Variants in BCO1 observed in about 807,000 individuals in gnomAD.
BCO1 encodes beta-carotene oxygenase 1.
In BCO1, 54 loss-of-function variants were observed where a neutral mutation model predicts 56.3. The observed-to-expected ratio is 0.96, with a 90% CI of 0.77 to 1.20. The LOEUF is 1.20. Ranked by LOEUF, BCO1 falls within the 50% of genes most tolerant of loss-of-function variation. The pLI is 0.00. For missense variants in BCO1, 801 were observed against 690.9 expected (o/e 1.16, Z -1.79); for synonymous variants, 318 against 266.1 (o/e 1.20, Z -1.90).
chr16:81,251,984 C>A (rs930177677), intron 2 of BCO1, among the ~76,000 whole-genome samples: 12 of 151,822 alleles, frequency 7.9e-5, no homozygotes, highest in African/African-American at 2.9e-4. Flanking sequence ...TGGCGTATGT[C>A]CCTTCAGAAG....
At chr16:81,270,496 T>A in intron 7 of BCO1, 80 bp downstream of exon 7, 1 of 1,581,738 alleles carries the variant, frequency 6.3e-7, no homozygotes, top group Non-Finnish European at 8.6e-7. Flanking sequence ...CCTTATTTGA[T>A]TGACATTGAA....
intron 2 of BCO1, among the ~76,000 whole-genome samples, chr16:81,247,557 G>C (rs112301696): frequency 1.3e-5 from 2 of 150,730 alleles, no homozygotes; most frequent in Non-Finnish European, 3.0e-5. Flanking sequence ...ACAGAGTTTC[G>C]CTCTTGTTGC....
intron 2 of BCO1, among the ~76,000 whole-genome samples, chr16:81,253,036 G>T (rs939818455): frequency 2.6e-5 from 4 of 152,102 alleles, no homozygotes; most frequent in African/African-American, 9.7e-5. Context: ...TTGAACCCAG[G>T]AGGTGGAAGT....
At chr16:81,287,026 G>C (rs1908221062) in intron 9 of BCO1, among the ~76,000 whole-genome samples, 1 of 151,950 alleles carries the variant, frequency 6.6e-6, no homozygotes, top group Non-Finnish European at 1.5e-5. Flanking sequence ...AGTGAGCCAA[G>C]ATCACGCCAT....
rs544724677 is a variant in BCO1 at position 81,241,081 on chromosome 16, G to T, written c.64+2109G>T. On this transcript the variant is annotated intron_variant, in intron 1 of 10. Transcript: ENST00000258168. ...ACTCCCAACCTCAGTTGATCCGCCC[G>T]TGTTGGCCTCCCAGAGTGCTGGGAT... Among the ~76,000 whole-genome samples the T allele has an allele frequency of 2.6e-4, 40 of 152,212 alleles. 1 individual carries two copies. The highest frequency in any genetic ancestry group is 8.7e-4 in the African/African-American group (36 of 41,542).
In BCO1 at chr16:81,270,153, T is replaced by A; in HGVS notation, c.844-6T>A. 1 of 1,614,118 alleles carries A rather than the reference T, an allele frequency of 6.2e-7. No individual in the cohort carries two copies. On this transcript the variant is annotated splice_region_variant and splice_polypyrimidine_tract_variant and intron_variant, in intron 6 of 10. Transcript: ENST00000258168. ...AGCTGAGCCCTTGATATGTGTCCTT[T>A]TTCAGACTTATATCCACATCATCGA... is the stretch of plus-strand genomic sequence containing the variant.
At chr16:81,252,815 C>T (rs760375411) in intron 2 of BCO1, among the ~76,000 whole-genome samples, 4 of 152,170 alleles carry the variant, frequency 2.6e-5, no homozygotes, top group Admixed American at 2.0e-4. Context: ...CCTTTGTTTA[C>T]GAAGTGCATG....
chr16:81,248,919 G>C (rs1248978908), intron 2 of BCO1, among the ~76,000 whole-genome samples: 1 of 152,090 alleles, frequency 6.6e-6, no homozygotes, highest in African/African-American at 2.4e-5. Flanking sequence ...GGCTGAGATA[G>C]GATAATTGCT....
chr16:81,238,972 G>A lies in BCO1; in HGVS notation c.64G>A (p.Gly22Ser). The part of the protein sequence containing the change: ...QLEPVRAKVT[G>S]KIPAWLQGTL... ...GGAGCCTGTGAGGGCCAAAGTGACA[G>A]GTGAGCATTCTGATAAACACTGGGC... Residue 22 changes from glycine (G) to serine (S), a missense_variant and splice_region_variant, in exon 1 of 11, where the codon GGC becomes AGC. By Grantham distance (56) the Gly-to-Ser change is moderately conservative (BLOSUM62 0). Transcript: ENST00000258168. The A allele has an allele frequency of 2.5e-6, 4 of 1,613,494 alleles. No homozygotes were observed. Among genetic ancestry groups the A allele is most frequent in the Non-Finnish European group, 3.4e-6 (4 of 1,179,544 alleles).
intron 2 of BCO1, among the ~76,000 whole-genome samples, chr16:81,248,608 A>G (rs1338626044): frequency 6.6e-6 from 1 of 152,134 alleles, no homozygotes. Context: ...GGGTGGTTCC[A>G]TATTTTGCTG....
chr16:81,241,127 C>T (rs970740744), intron 1 of BCO1, among the ~76,000 whole-genome samples: 1 of 152,046 alleles, frequency 6.6e-6, no homozygotes, highest in Non-Finnish European at 1.5e-5. Flanking sequence ...AACCACCATG[C>T]CCGGCCTGAA....
At chr16:81,270,484 G>A in intron 7 of BCO1, 68 bp downstream of exon 7, 1 of 1,596,656 alleles carries the variant, frequency 6.3e-7, no homozygotes, top group South Asian at 1.1e-5. Flanking sequence ...AGTTACTTTG[G>A]CCCTTATTTG....
chr16:81,257,151 C>T (rs939739392), intron 2 of BCO1, among the ~76,000 whole-genome samples: 2 of 152,166 alleles, frequency 1.3e-5, no homozygotes, highest in Non-Finnish European at 1.5e-5. Context: ...CTGTTTCATG[C>T]ACCACCTCCT....
chr16:81,245,523 G>C lies in BCO1; in HGVS notation c.113G>C (p.Gly38Ala), dbSNP rs1425595008. The change falls in exon 2 of 11, where the codon GGG (glycine) becomes GCG (alanine). Residue 38 changes from glycine to alanine, a missense_variant. Physicochemically the swap from Gly to Ala is moderately conservative, Grantham distance 60. Coordinates refer to ENST00000258168, the MANE Select transcript of BCO1 (RefSeq NM_017429.3). ...GGAACCCTGCTCCGCAATGGGCCTGGGATGCACACAGTTGGGGAGTCCAGA... is the reference window on the plus strand; with the variant it reads ...GGAACCCTGCTCCGCAATGGGCCTGCGATGCACACAGTTGGGGAGTCCAGA... ...LQGTLLRNGP[G>A]MHTVGESRYN... 1.4e-5 allele frequency: 22 copies of C among 1,613,646 alleles called. No homozygotes were observed. Among genetic ancestry groups the C allele is most frequent in the Non-Finnish European group, 1.9e-5 (22 of 1,179,706 alleles).
intron 5 of BCO1, among the ~76,000 whole-genome samples, chr16:81,267,046 A>G (rs1460652906): frequency 6.6e-6 from 1 of 152,166 alleles, no homozygotes; most frequent in Non-Finnish European, 1.5e-5. Flanking sequence ...ATGCTTGCAG[A>G]GGAATAAGAA....
At position 81,290,499 on chromosome 16, in the gene BCO1, C is replaced by A. The variant is rs1908402530; in HGVS notation, c.1566C>A (p.Asp522Glu). ...DLHGLFITDM[D>E]WDTKKQAASE... is the part of the protein sequence containing the mutation. ...ATGGATTATTCATTACAGACATGGA[C>A]TGGGACACAAAAAAGCAGGCCGCTT... The change falls in exon 11 of 11, where the codon GAC becomes GAA. Residue 522 changes from aspartate to glutamate, a missense_variant. By Grantham distance (45) the Asp-to-Glu change is conservative. Coordinates refer to ENST00000258168, the MANE Select transcript of BCO1 (RefSeq NM_017429.3). The A allele has an allele frequency of 6.2e-7, 1 of 1,614,134 alleles. No individual in the cohort carries two copies. The highest frequency in any genetic ancestry group is 1.1e-5 in the South Asian group (1 of 91,084).
intron 8 of BCO1, among the ~76,000 whole-genome samples, chr16:81,281,340 G>C (rs1236297143): frequency 6.6e-6 from 1 of 152,176 alleles, no homozygotes; most frequent in Non-Finnish European, 1.5e-5. Context: ...CAGCTACTCA[G>C]GAGGCTGAGG....
chr16:81,284,655 A>C (rs1908071047), intron 8 of BCO1, among the ~76,000 whole-genome samples: 1 of 151,788 alleles, frequency 6.6e-6, no homozygotes, highest in Non-Finnish European at 1.5e-5. Context: ...TTTATTTTTT[A>C]GTTTTTATTT....
At chr16:81,276,000 C>CCGAA (rs1907534033) in intron 7 of BCO1, among the ~76,000 whole-genome samples, 1 of 152,218 alleles carries the variant, frequency 6.6e-6, no homozygotes. Flanking sequence ...TGTGTGAGGC[C>CCGAA]CGAGGTTCGT....
Sources: allele counts gnomAD v4.1 joint callset (sites outside exome capture counted in the v4.1 genomes callset), GRCh38; gene constraint gnomAD v4.1.1; transcripts MANE v1.5; gene names NCBI Gene and HGNC (gene_info 2026-07-23, HGNC 2026-07-21).